Variants in CPPED1 observed in about 807,000 individuals in gnomAD.
CPPED1 encodes calcineurin like phosphoesterase domain containing 1.
CPPED1 carries 28 observed loss-of-function variants against 28.0 expected under a neutral mutation model. That is an observed-to-expected ratio of 1.00 (90% CI 0.74 to 1.37). The LOEUF (loss-of-function observed/expected upper bound fraction) is 1.37, where lower values mean the gene tolerates loss of function less well. CPPED1 is among the 40% of genes most tolerant of loss of function. CPPED1 has a pLI of 0.00. For synonymous variants in CPPED1, 198 were observed against 180.2 expected (o/e 1.10, Z -0.79); for missense variants, 504 against 416.5 (o/e 1.21, Z -1.83).
At chr16:12,711,216 G>T (rs2080078221) in intron 2 of CPPED1, among the ~76,000 whole-genome samples, 1 of 152,188 alleles carries the variant, frequency 6.6e-6, no homozygotes, top group Non-Finnish European at 1.5e-5. Context: ...TATATGCTAA[G>T]TGAAATAAGT....
At chr16:12,772,749 T>C (rs2080477124) in intron 2 of CPPED1, among the ~76,000 whole-genome samples, 1 of 152,228 alleles carries the variant, frequency 6.6e-6, no homozygotes, top group Non-Finnish European at 1.5e-5. Flanking sequence ...CTTCTTCATC[T>C]ATAAATCCCA....
chr16:12,685,053 T>C (rs1196076675), intron 3 of CPPED1, among the ~76,000 whole-genome samples: 1 of 152,188 alleles, frequency 6.6e-6, no homozygotes, highest in Non-Finnish European at 1.5e-5. Context: ...CTGGAGACAG[T>C]GGAACGAGCA....
At position 12,744,223 on chromosome 16, in the gene CPPED1, A is replaced by G. The variant is rs539238233; in HGVS notation, c.289+36962T>C. ...CCCAGGAGGCGGAGCTTGCAGTGAGATTGTGCCACTGCACTCCAGCCTGGG... is the reference window on the plus strand; with the variant it reads ...CCCAGGAGGCGGAGCTTGCAGTGAGGTTGTGCCACTGCACTCCAGCCTGGG... On this transcript the variant is annotated intron_variant, in intron 2 of 3. Transcript: ENST00000381774. Among the ~76,000 whole-genome samples, 13 of 151,760 alleles carry G rather than the reference A, an allele frequency of 8.6e-5. No individual in the cohort carries two copies. In the East Asian group the frequency reaches 2.5e-3, roughly 30 times the overall value.
chr16:12,681,412 T>G (rs2079904227), intron 3 of CPPED1, among the ~76,000 whole-genome samples: 1 of 152,126 alleles, frequency 6.6e-6, no homozygotes, highest in South Asian at 2.1e-4. Flanking sequence ...GACCTTGGAC[T>G]TCCCAACCCC....
chr16:12,788,608 G>A (rs1376770796), intron 1 of CPPED1, among the ~76,000 whole-genome samples: 1 of 152,130 alleles, frequency 6.6e-6, no homozygotes, highest in African/African-American at 2.4e-5. Context: ...GCTTAGGCAT[G>A]CCTCAAGTTC....
chr16:12,711,182 TACA>T (rs1482937192), intron 2 of CPPED1, among the ~76,000 whole-genome samples: 1 of 152,216 alleles, frequency 6.6e-6, no homozygotes, highest in African/African-American at 2.4e-5. Context: ...TGACACATGC[TACA>T]ACATGGATGA....
chr16:12,724,245 G>A (rs916715156), intron 2 of CPPED1, among the ~76,000 whole-genome samples: 1 of 152,084 alleles, frequency 6.6e-6, no homozygotes, highest in Non-Finnish European at 1.5e-5. Flanking sequence ...CAGACTCTGG[G>A]GGTCCCACTG....
intron 3 of CPPED1, among the ~76,000 whole-genome samples, chr16:12,671,120 G>C (rs372306269): frequency 5.9e-5 from 9 of 152,064 alleles, no homozygotes; most frequent in African/African-American, 1.9e-4. Context: ...CGAAGTGCTG[G>C]GATTACAGGT....
In CPPED1 at chr16:12,711,497, T is replaced by C. The variant is rs80307416; in HGVS notation, c.290-6448A>G. ...TTAAGGTGGTACATGTAACGTTACGTATATTCTGCCATGCTAAAAGAAAAG... is the reference window on the plus strand; with the variant it reads ...TTAAGGTGGTACATGTAACGTTACGCATATTCTGCCATGCTAAAAGAAAAG... On this transcript the variant is annotated intron_variant, in intron 2 of 3. Transcript: ENST00000381774. 5.3e-3 allele frequency among the ~76,000 whole-genome samples: 803 copies of C among 152,312 alleles called. 2 individuals are homozygous for C. The highest frequency in any genetic ancestry group is 0.018 in the African/African-American group (745 of 41,564).
At chr16:12,694,731 T>TGGGG (rs778479471) in intron 3 of CPPED1, among the ~76,000 whole-genome samples, 11 of 49,184 alleles carry the variant, frequency 2.2e-4, no homozygotes, top group East Asian at 8.1e-4. Flanking sequence ...TAAAAAAAGG[T>TGGGG]GGGGGGGGGG....
At chr16:12,774,061 C>T (rs558171679) in intron 2 of CPPED1, among the ~76,000 whole-genome samples, 27 of 152,308 alleles carry the variant, frequency 1.8e-4, no homozygotes, top group Non-Finnish European at 3.2e-4. Flanking sequence ...GACTCAAAGG[C>T]TCCTGTGCAC....
At chr16:12,669,242 T>G (rs1293096490) in intron 3 of CPPED1, among the ~76,000 whole-genome samples, 1 of 152,182 alleles carries the variant, frequency 6.6e-6, no homozygotes, top group Non-Finnish European at 1.5e-5. Context: ...AGGCCCCATC[T>G]TGTATGCTTC....
rs2079825219 is a variant in CPPED1 at position 12,666,240 on chromosome 16, A to G, written c.716-1125T>C. ...GGATGAAACGTAAAACAGAAAACCC[A>G]AGGTCACAGGTAGGCTCAAAAACAA... On this transcript the variant is annotated intron_variant, in intron 3 of 3. Transcript: ENST00000381774. Among the ~76,000 whole-genome samples the G allele has an allele frequency of 2.6e-5, 4 of 152,216 alleles. No individual in the cohort carries two copies. The South Asian group carries it at 8.3e-4, about 31-fold the overall frequency.
At chr16:12,776,961 G>T (rs1004587962) in intron 2 of CPPED1, among the ~76,000 whole-genome samples, 3 of 152,142 alleles carry the variant, frequency 2.0e-5, no homozygotes, top group South Asian at 4.1e-4. Context: ...TGATTGTGAG[G>T]TCTCTCCAGC....
At chr16:12,762,081 A>C (rs1183599357) in intron 2 of CPPED1, among the ~76,000 whole-genome samples, 1 of 152,136 alleles carries the variant, frequency 6.6e-6, no homozygotes, top group African/African-American at 2.4e-5. Flanking sequence ...AATGGGAACA[A>C]TGGAAAGAAG....
chr16:12,720,807 G>A (rs1215396478), intron 2 of CPPED1, among the ~76,000 whole-genome samples: 3 of 152,170 alleles, frequency 2.0e-5, no homozygotes, highest in Non-Finnish European at 4.4e-5. Context: ...CAAATTCTGT[G>A]CAAAGCTTAG....
rs1288869199 is a variant in CPPED1, at chr16:12,740,920, GCAAA to G, written c.290-35875_290-35872del. Among the ~76,000 whole-genome samples, 4 of 152,260 alleles carry G rather than the reference GCAAA, an allele frequency of 2.6e-5. No homozygotes were observed. The East Asian group carries it at 7.7e-4, about 29-fold the overall frequency. ...ATACTGGGTGGCTTGTTACCTGCAG[GCAAA>G]CACTCTCCTAAGTGATCCACCAGCT... On this transcript the variant is annotated intron_variant, in intron 2 of 3. Transcript: ENST00000381774.
chr16:12,738,026 C>T (rs549571733), intron 2 of CPPED1, among the ~76,000 whole-genome samples: 83 of 152,282 alleles, frequency 5.5e-4, no homozygotes, highest in South Asian at 3.1e-3. Context: ...CGGTACCCGA[C>T]GCAGGTAGAG....
intron 1 of CPPED1, among the ~76,000 whole-genome samples, chr16:12,791,086 A>C (rs2080593707): frequency 6.6e-6 from 1 of 150,710 alleles, no homozygotes; most frequent in Admixed American, 6.6e-5. Flanking sequence ...TCTGGGATAC[A>C]TGTGCAGAAC....
Sources: gnomAD v4.1 joint callset for allele counts (sites outside exome capture counted in the v4.1 genomes callset) on GRCh38, gnomAD v4.1.1 for gene constraint, MANE v1.5 for transcripts, NCBI Gene and HGNC (gene_info 2026-07-23, HGNC 2026-07-21) for gene names.